The following ZBTB16 variants were observed in gnomAD, a reference collection of about 807,000 sequenced individuals.
ZBTB16 encodes the protein zinc finger and BTB domain-containing protein 16.
A neutral mutation model predicts 56.8 loss-of-function variants in ZBTB16; 8 were observed. The ratio of observed to expected loss-of-function variants is 0.14; its 90% CI spans 0.08 to 0.25. ZBTB16 has a LOEUF of 0.25. ZBTB16 is among the 10% of genes least tolerant of loss of function. The pLI is 1.00. For synonymous variants in ZBTB16, 363 were observed against 368.5 expected (o/e 0.98, Z 0.17); for missense variants, 625 against 903.0 (o/e 0.69, Z 3.95).
chr11:114,138,559 A>G (rs192956433), intron 2 of ZBTB16, among the ~76,000 whole-genome samples: 32 of 152,012 alleles, frequency 2.1e-4, no homozygotes, highest in African/African-American at 6.0e-4. Flanking sequence ...TTGCCTGTGT[A>G]TTATGTTTCT....
chr11:114,190,997 C>T (rs493327), intron 4 of ZBTB16, among the ~76,000 whole-genome samples: 3 of 151,922 alleles, frequency 2.0e-5, no homozygotes, highest in Non-Finnish European at 4.4e-5. Context: ...AGGCATGTCA[C>T]GTGGCCAGAG....
chr11:114,207,590 AACAC>A (rs66489516), intron 4 of ZBTB16, among the ~76,000 whole-genome samples: 1,840 of 143,572 alleles, frequency 0.013, 20 homozygotes, highest in African/African-American at 0.034. Flanking sequence ...ACACACACAC[AACAC>A]ACACACACAC....
chr11:114,169,698 G>A (rs1942900090), intron 3 of ZBTB16, among the ~76,000 whole-genome samples: 1 of 152,210 alleles, frequency 6.6e-6, no homozygotes, highest in African/African-American at 2.4e-5. Flanking sequence ...AAGGCGTTGA[G>A]CAAGGCTGGG....
In ZBTB16 at chr11:114,254,862, G is replaced by T. The variant is rs1006438807; in HGVS notation, c.*4307G>T. 1.1e-4 allele frequency among the ~76,000 whole-genome samples: 17 copies of T among 152,204 alleles called. No individual in the cohort carries two copies. Among genetic ancestry groups the T allele is most frequent in the Admixed American group, 5.2e-4 (8 of 15,286 alleles). The stretch of plus-strand genomic sequence containing the variant: ...AAAGGCAGAGATGGCCAGGAGAGGG[G>T]TGCAGGACAAACCAGAGAGGTTGGG... On this transcript the variant is annotated 3_prime_UTR_variant, in exon 7 of 7. Coordinates refer to ENST00000335953, the MANE Select transcript of ZBTB16 (RefSeq NM_006006.6).
At chr11:114,181,760 G>T (rs1943255110) in intron 3 of ZBTB16, among the ~76,000 whole-genome samples, 1 of 152,132 alleles carries the variant, frequency 6.6e-6, no homozygotes, top group Non-Finnish European at 1.5e-5. Context: ...GATTGCTGTG[G>T]TTAGCAAGGG....
rs1447430395 is a variant in ZBTB16, at chr11:114,252,352, T to C, written c.*1797T>C. 7.2e-6 allele frequency among the ~76,000 whole-genome samples: 1 copy of C among 138,180 alleles called. No homozygotes were observed. Among genetic ancestry groups the C allele is most frequent in the Non-Finnish European group, 1.6e-5 (1 of 64,050 alleles). The allele number at this position is 138,180 out of a possible 152,430, so 90.7% of individuals were successfully genotyped here. On this transcript the variant is annotated 3_prime_UTR_variant, in exon 7 of 7. Transcript: ENST00000335953. ...TGTGCGTGCATTCTCATTGCCAGAA[T>C]TGGTCTATTTTCACGGCTGGTCTTT... is the stretch of plus-strand genomic sequence containing the variant.
At chr11:114,142,666 A>G (rs1328837713) in intron 2 of ZBTB16, among the ~76,000 whole-genome samples, 1 of 152,118 alleles carries the variant, frequency 6.6e-6, no homozygotes, top group Non-Finnish European at 1.5e-5. Context: ...AAAAATATAT[A>G]CTTAAAAGTA....
At chr11:114,068,686 C>T (rs1473599052) in intron 2 of ZBTB16, among the ~76,000 whole-genome samples, 1 of 152,172 alleles carries the variant, frequency 6.6e-6, no homozygotes, top group African/African-American at 2.4e-5. Context: ...ATCCACATTA[C>T]AGAGGATAAT....
At chr11:114,126,787 C>T (rs989590904) in intron 2 of ZBTB16, among the ~76,000 whole-genome samples, 1 of 152,168 alleles carries the variant, frequency 6.6e-6, no homozygotes, top group Non-Finnish European at 1.5e-5. Flanking sequence ...AGAGAAGCCA[C>T]TCATGGCCTG....
intron 4 of ZBTB16, among the ~76,000 whole-genome samples, chr11:114,220,229 T>C (rs1011971476): frequency 3.3e-5 from 5 of 152,206 alleles, no homozygotes; most frequent in African/African-American, 1.2e-4. Flanking sequence ...AGAAGCAGAC[T>C]TCCAGTACAA....
chr11:114,242,472 G>T, intron 5 of ZBTB16, 135 bp downstream of exon 5: 1 of 1,281,886 alleles, frequency 7.8e-7, no homozygotes, highest in Non-Finnish European at 1.1e-6. Context: ...ACGTGCAGAG[G>T]CTGCCCGTCG....
intron 2 of ZBTB16, among the ~76,000 whole-genome samples, chr11:114,075,688 C>T (rs761990803): frequency 2.0e-5 from 3 of 150,616 alleles, no homozygotes; most frequent in Non-Finnish European, 4.4e-5. Flanking sequence ...CCAGGCTGGT[C>T]TTGAACTCCC....
chr11:114,140,891 C>T (rs1345074949), intron 2 of ZBTB16, among the ~76,000 whole-genome samples: 1 of 152,166 alleles, frequency 6.6e-6, no homozygotes, highest in Non-Finnish European at 1.5e-5. Flanking sequence ...AGAATTTGGG[C>T]CCTTTTCTCT....
intron 4 of ZBTB16, among the ~76,000 whole-genome samples, chr11:114,235,686 CTTTCTTTTCTTTCTTTCT>C (rs1487996620): frequency 1.0e-4 from 4 of 38,102 alleles, no homozygotes; most frequent in South Asian, 1.1e-3. Flanking sequence ...TTCTTTCTTT[CTTTCTTTTCTTTCTTTCT>C]TTTCTTTCTT....
chr11:114,209,462 C>A, intron 4 of ZBTB16: 2 of 985,292 alleles, frequency 2.0e-6, no homozygotes, highest in South Asian at 9.4e-5. Flanking sequence ...CTTCACATTC[C>A]GGAGATCCCC....
chr11:114,206,008 A>G (rs898922009), intron 4 of ZBTB16, among the ~76,000 whole-genome samples: 6 of 152,122 alleles, frequency 3.9e-5, no homozygotes, highest in African/African-American at 1.4e-4. Flanking sequence ...CTGGCTCCCT[A>G]GCTTAGATTC....
chr11:114,182,537 C>T (rs916128744), intron 3 of ZBTB16, among the ~76,000 whole-genome samples: 2 of 152,114 alleles, frequency 1.3e-5, no homozygotes, highest in African/African-American at 4.8e-5. Flanking sequence ...CAAAAACCAG[C>T]CCCCGTGTGT....
chr11:114,220,338 G>A (rs1944205094), intron 4 of ZBTB16, among the ~76,000 whole-genome samples: 1 of 152,248 alleles, frequency 6.6e-6, no homozygotes, highest in South Asian at 2.1e-4. Flanking sequence ...TGGTGTTGGA[G>A]TGGGGGATGT....
Position 114,063,154 on chromosome 11 carries a change from T to A in ZBTB16, c.-90-57T>A. On this transcript the variant is annotated intron_variant, in intron 1 of 6. Transcript: ENST00000335953. This position sits in a 1 kb window ranked among gnomAD's most constrained non-coding sequence, Gnocchi z 6.5. ...GAATTCTTACTTTTAGGGACACTGA[T>A]GAATTTGTCTTTTGTTCTCTCATCT... The A allele has an allele frequency of 3.4e-6, 3 of 872,678 alleles. No individual in the cohort carries two copies. Among genetic ancestry groups the A allele is most frequent in the Non-Finnish European group, 5.4e-6 (3 of 557,912 alleles). 54.1% of individuals were successfully genotyped at this position (872,678 alleles called of 1,614,324 possible).
Sources: gnomAD v4.1 joint callset for allele counts (sites outside exome capture counted in the v4.1 genomes callset) on GRCh38, gnomAD v4.1.1 for gene constraint, Gnocchi (gnomAD v3.1) non-coding constraint, MANE v1.5 for transcripts, NCBI Gene and HGNC (gene_info 2026-07-23, HGNC 2026-07-21) for gene names.